The following ZBBX variants were observed in gnomAD, a reference collection of about 807,000 sequenced individuals.
The protein encoded by ZBBX is zinc finger B-box domain-containing protein 1.
In ZBBX, 101 loss-of-function variants were observed where a neutral mutation model predicts 108.5. The observed-to-expected ratio is 0.93, with a 90% CI of 0.79 to 1.10. The LOEUF (loss-of-function observed/expected upper bound fraction) is 1.10, where lower values mean the gene tolerates loss of function less well. ZBBX is among the 50% of genes least tolerant of loss of function. The pLI is 0.00. For missense variants in ZBBX, 1,009 were observed against 941.4 expected (o/e 1.07, Z -0.94); for synonymous variants, 356 against 323.4 (o/e 1.10, Z -1.08).
At chr3:167,194,547 A>G in the ZBBX span, among the ~76,000 whole-genome samples, 1 of 152,216 alleles carries the variant, frequency 6.6e-6, no homozygotes, top group Non-Finnish European at 1.5e-5. Context: ...TGGAAGTGAG[A>G]AGTATGTAAA....
the ZBBX span, among the ~76,000 whole-genome samples, chr3:167,182,938 T>A: frequency 6.6e-6 from 1 of 152,192 alleles, no homozygotes; most frequent in Non-Finnish European, 1.5e-5. Flanking sequence ...TGCCTCTATA[T>A]CACCCTCTCA....
At chr3:167,384,437 A>G (rs1747843346), upstream of ZBBX, among the ~76,000 whole-genome samples, 1 of 152,088 alleles carries the variant, frequency 6.6e-6, no homozygotes, top group Non-Finnish European at 1.5e-5. Flanking sequence ...GCCGTGGAAG[A>G]GCAAGAGAAT....
At chr3:167,183,846 A>AT in the ZBBX span, among the ~76,000 whole-genome samples, 1 of 152,132 alleles carries the variant, frequency 6.6e-6, no homozygotes, top group Non-Finnish European at 1.5e-5. Context: ...TGCAGAGATT[A>AT]TTTTTTATGG....
At chr3:167,256,468 A>G (rs1198685472) in intron 20 of ZBBX, among the ~76,000 whole-genome samples, 1 of 148,652 alleles carries the variant, frequency 6.7e-6, no homozygotes, top group Admixed American at 6.6e-5. Flanking sequence ...ATCCAATAAC[A>G]TTCTTTAAGT....
chr3:167,379,999 C>T lies in ZBBX; in HGVS notation c.-286-207G>A, dbSNP rs531612920. ...TGGGCTGGGAAGTCTTTGGTGTATA[C>T]CAAAGGCTTTCAACTCCTGAGGCCA... On this transcript the variant is annotated intron_variant, in intron 1 of 21. Coordinates refer to ENST00000675490, the MANE Select transcript of ZBBX (RefSeq NM_001199201.2). 5.9e-5 allele frequency among the ~76,000 whole-genome samples: 9 copies of T among 152,306 alleles called. No homozygotes were observed. The East Asian group carries it at 1.7e-3, about 29-fold the overall frequency.
chr3:167,214,218 G>A, the ZBBX span, among the ~76,000 whole-genome samples: 1 of 151,980 alleles, frequency 6.6e-6, no homozygotes, highest in African/African-American at 2.4e-5. Context: ...ACACAGAGTG[G>A]CAAGCTGAAT....
chr3:167,400,543 G>A (rs1748393839), intron 1 of ZBBX, among the ~76,000 whole-genome samples: 1 of 151,980 alleles, frequency 6.6e-6, no homozygotes, highest in African/African-American at 2.4e-5. Flanking sequence ...TTTTAATGGA[G>A]TTATTTGATT....
chr3:167,393,288 A>G (rs1301061170), intron 1 of ZBBX, among the ~76,000 whole-genome samples: 1 of 151,838 alleles, frequency 6.6e-6, no homozygotes, highest in East Asian at 1.9e-4. Flanking sequence ...ATTAACTTCT[A>G]TGTTATTTAA....
rs138432006 is a variant in ZBBX at position 167,397,277 on chromosome 3, G to A, written c.-446+10449C>T. ...TTACAGCCATCAATTGACTTGCTAC[G>A]TTTTGTTTGAATGAAGAACCCCACC... On this transcript the variant is annotated intron_variant, in intron 1 of 21. Transcript: ENST00000455345. Among the ~76,000 whole-genome samples, 202 of 150,322 alleles carry A rather than the reference G, an allele frequency of 1.3e-3. 1 individual carries two copies. Among genetic ancestry groups the A allele is most frequent in the African/African-American group, 4.4e-3 (179 of 40,898 alleles).
chr3:167,254,428 A>G (rs956116233), intron 20 of ZBBX, among the ~76,000 whole-genome samples: 4 of 152,204 alleles, frequency 2.6e-5, no homozygotes, highest in Admixed American at 2.6e-4. Flanking sequence ...CTACCAAAAA[A>G]TGTCAAAGAA....
chr3:167,282,771 T>C (rs1283555916), intron 19 of ZBBX, among the ~76,000 whole-genome samples: 1 of 152,120 alleles, frequency 6.6e-6, no homozygotes, highest in African/African-American at 2.4e-5. Context: ...CAAAGGAAAA[T>C]ATCTATAAAC....
At chr3:167,242,313 G>A (rs1441940092) in intron 21 of ZBBX, among the ~76,000 whole-genome samples, 192 bp downstream of exon 21, 5 of 152,006 alleles carry the variant, frequency 3.3e-5, no homozygotes, top group African/African-American at 1.2e-4. Context: ...TCACATTAAA[G>A]TAACAACTTT....
the ZBBX span, among the ~76,000 whole-genome samples, chr3:167,181,697 C>T: frequency 1.3e-5 from 2 of 152,314 alleles, no homozygotes; most frequent in Non-Finnish European, 2.9e-5. Context: ...GTGCTATACA[C>T]TCTCCTGGCT....
At chr3:167,218,095 G>A in the ZBBX span, among the ~76,000 whole-genome samples, 1 of 151,914 alleles carries the variant, frequency 6.6e-6, no homozygotes, top group South Asian at 2.1e-4. Flanking sequence ...GAACACAAAG[G>A]TGTCTTCTTG....
At chr3:167,200,412 C>G in the ZBBX span, among the ~76,000 whole-genome samples, 1 of 152,096 alleles carries the variant, frequency 6.6e-6, no homozygotes, top group Non-Finnish European at 1.5e-5. Context: ...GGCATTTAGT[C>G]TTCAGCATCA....
the ZBBX span, among the ~76,000 whole-genome samples, chr3:167,226,538 G>A: frequency 0.81 from 122,149 of 151,616 alleles, 49,512 homozygotes; most frequent in East Asian, 0.91. Context: ...CATTTACCAC[G>A]CAAATTTTCT....
chr3:167,350,115 T>C (rs1742371404), intron 9 of ZBBX, among the ~76,000 whole-genome samples: 1 of 152,054 alleles, frequency 6.6e-6, no homozygotes, highest in Admixed American at 6.6e-5. Flanking sequence ...TGTGTTCATT[T>C]GAAATCACAA....
chr3:167,341,557 A>C (rs1560152259), intron 9 of ZBBX, among the ~76,000 whole-genome samples: 1 of 151,954 alleles, frequency 6.6e-6, no homozygotes, highest in South Asian at 2.1e-4. Context: ...TACACTACAA[A>C]ATTCTACTTA....
Position 167,240,342 on chromosome 3 carries a change from C to T in ZBBX, c.*451G>A, listed in dbSNP as rs1720464455. 6.6e-6 allele frequency: 1 copy of T among 152,264 alleles called. No homozygotes were observed. Among genetic ancestry groups the T allele is most frequent in the Admixed American group, 6.5e-5 (1 of 15,270 alleles). 9.4% of individuals were successfully genotyped at this position (152,264 alleles called of 1,614,324 possible). On this transcript the variant is annotated 3_prime_UTR_variant, in exon 22 of 22. Coordinates refer to ENST00000675490, the MANE Select transcript of ZBBX (RefSeq NM_001199201.2). ...TTGCAAATTTTTGAAGATACCAGAA[C>T]TTCTATAAATGTTAAAAACCAGAAA...
Sources: gnomAD v4.1 joint callset for allele counts (sites outside exome capture counted in the v4.1 genomes callset) on GRCh38, gnomAD v4.1.1 for gene constraint, MANE v1.5 for transcripts, NCBI Gene and HGNC (gene_info 2026-07-23, HGNC 2026-07-21) for gene names.